Variants in FSHR observed in about 807,000 individuals in gnomAD.
The protein encoded by FSHR is follicle stimulating hormone receptor.
Under a neutral mutation model 52.1 loss-of-function variants are expected in FSHR, and 46 were observed. The ratio of observed to expected loss-of-function variants is 0.88; its 90% confidence interval spans 0.70 to 1.13. The LOEUF is 1.13. FSHR is among the 50% of genes most tolerant of loss of function. The pLI is 0.00. For synonymous variants in FSHR, 399 were observed against 309.6 expected, an observed-to-expected ratio of 1.29 and a Z score of -3.03; for missense variants, 964 against 834.6, an observed-to-expected ratio of 1.16 and a Z score of -1.91.
chr2:49,136,553 C>T (rs1377341360), intron 1 of FSHR, among the ~76,000 whole-genome samples: 1 of 152,024 alleles, frequency 6.6e-6, no homozygotes, highest in Non-Finnish European at 1.5e-5. Flanking sequence ...GACAAAACAT[C>T]ACAAGCAAGT....
intron 2 of FSHR, among the ~76,000 whole-genome samples, chr2:49,057,274 A>G (rs1008657414): frequency 6.6e-6 from 1 of 152,176 alleles, no homozygotes; most frequent in Non-Finnish European, 1.5e-5. Flanking sequence ...CATTAGCTAG[A>G]CTAAGAAAAA....
intron 1 of FSHR, among the ~76,000 whole-genome samples, chr2:49,090,766 G>C (rs1456257050): frequency 2.6e-5 from 4 of 152,156 alleles, no homozygotes; most frequent in Non-Finnish European, 5.9e-5. Flanking sequence ...CTACATCCTT[G>C]TCAGCATGCA....
At chr2:49,082,055 T>C (rs1371371574) in intron 1 of FSHR, among the ~76,000 whole-genome samples, 2 of 152,228 alleles carry the variant, frequency 1.3e-5, no homozygotes, top group Non-Finnish European at 2.9e-5. Flanking sequence ...AGCTCCAGTC[T>C]ACAGCTCCCA....
intron 1 of FSHR, among the ~76,000 whole-genome samples, chr2:49,106,837 T>C (rs1219314302): frequency 6.6e-6 from 1 of 152,154 alleles, no homozygotes; most frequent in African/African-American, 2.4e-5. Context: ...AGGCTACATA[T>C]GTGCAAGATG....
intron 1 of FSHR, among the ~76,000 whole-genome samples, chr2:49,121,356 A>C (rs1231520096): frequency 6.6e-6 from 1 of 152,200 alleles, no homozygotes; most frequent in East Asian, 1.9e-4. Flanking sequence ...TGTGGAACCA[A>C]ATAAGATAAT....
intron 1 of FSHR, among the ~76,000 whole-genome samples, chr2:49,124,447 G>A (rs1437707426): frequency 6.6e-6 from 1 of 152,096 alleles, no homozygotes; most frequent in African/African-American, 2.4e-5. Context: ...ATTTTTAAAA[G>A]TATAAAGAGC....
At chr2:48,969,343 T>C (rs903207932) in intron 8 of FSHR, among the ~76,000 whole-genome samples, 8 of 152,152 alleles carry the variant, frequency 5.3e-5, no homozygotes, top group East Asian at 3.9e-4. Flanking sequence ...GAAGGAAATA[T>C]ACTACAAGAG....
At chr2:49,026,101 AAGATAAGTCTTTGCT>A (rs1180792263) in intron 2 of FSHR, among the ~76,000 whole-genome samples, 5 of 152,312 alleles carry the variant, frequency 3.3e-5, no homozygotes, top group African/African-American at 1.2e-4. Flanking sequence ...TCTCATGGGC[AAGATAAGTCTTTGCT>A]AGAGTCATCC....
At chr2:49,038,345 T>C (rs1668347621) in intron 2 of FSHR, among the ~76,000 whole-genome samples, 1 of 152,076 alleles carries the variant, frequency 6.6e-6, no homozygotes, top group African/African-American at 2.4e-5. Context: ...TTTTTGGCTG[T>C]GCGCAGTGGC....
At chr2:49,015,001 C>G (rs994902265) in intron 4 of FSHR, 13 of 439,534 alleles carry the variant, frequency 3.0e-5, no homozygotes, top group African/African-American at 2.7e-4. Flanking sequence ...AGGAAACTAA[C>G]TGGGTAACAG....
At position 48,963,950 on chromosome 2, in the gene FSHR, T is replaced by G; in HGVS notation, c.871A>C (p.Ile291Leu). 6.2e-7 allele frequency: 1 copy of G among 1,613,394 alleles called. No individual in the cohort carries two copies. The highest frequency in any genetic ancestry group is 8.5e-7 in the Non-Finnish European group (1 of 1,179,960). Residue 291 changes from isoleucine to leucine, a missense_variant, in exon 10 of 10, where the codon ATT (isoleucine) becomes CTT (leucine). Transcript: ENST00000406846. Reference sequence around the variant, plus strand: ...TGCCTTAAAATAGATTTGTTGCAAATTGGATGAAGCTCAGAGCTAGAAAAA... The same window carrying G: ...TGCCTTAAAATAGATTTGTTGCAAAGTGGATGAAGCTCAGAGCTAGAAAAA... The part of the protein sequence containing the change: ...WRRQISELHP[I>L]CNKSILRQEV...
chr2:48,992,756 C>A (rs567147038), intron 4 of FSHR, among the ~76,000 whole-genome samples: 6 of 152,182 alleles, frequency 3.9e-5, no homozygotes, highest in Non-Finnish European at 8.8e-5. Context: ...CTTAGCCTAA[C>A]TCCCTATTTC....
chr2:49,011,943 T>C (rs1667289756), intron 4 of FSHR, among the ~76,000 whole-genome samples: 2 of 151,994 alleles, frequency 1.3e-5, no homozygotes, highest in Non-Finnish European at 1.5e-5. Flanking sequence ...TAGCTGAGGG[T>C]TGGGAAAGAA....
chr2:49,085,785 T>TA, intron 1 of FSHR, among the ~76,000 whole-genome samples: 1 of 152,120 alleles, frequency 6.6e-6, no homozygotes, highest in East Asian at 1.9e-4. Flanking sequence ...TATGCAGCCA[T>TA]AAAAAAGGAT....
rs184566602 is a variant in FSHR at position 49,110,014 on chromosome 2, G to A, written c.153-41724C>T. On this transcript the variant is annotated intron_variant, in intron 1 of 9. Coordinates refer to ENST00000406846, the MANE Select transcript of FSHR (RefSeq NM_000145.4). Reference sequence around the variant, plus strand: ...AGAGGCAGGGTCAGAACAGTTGCATGAGGAGGCCAAGAAGAGTGCATTTGG... The same window carrying A: ...AGAGGCAGGGTCAGAACAGTTGCATAAGGAGGCCAAGAAGAGTGCATTTGG... 1.7e-3 allele frequency among the ~76,000 whole-genome samples: 265 copies of A among 152,244 alleles called. 1 individual carries two copies. The highest frequency in any genetic ancestry group is 3.4e-3 in the Non-Finnish European group (228 of 67,998).
chr2:48,975,863 C>T (rs1674964407), intron 8 of FSHR, among the ~76,000 whole-genome samples: 1 of 152,150 alleles, frequency 6.6e-6, no homozygotes, highest in African/African-American at 2.4e-5. Context: ...GCTGAAGTTG[C>T]TTATCAGCTT....
intron 1 of FSHR, among the ~76,000 whole-genome samples, chr2:49,110,062 T>C (rs1254233689): frequency 2.0e-5 from 3 of 152,110 alleles, no homozygotes; most frequent in Non-Finnish European, 2.9e-5. Context: ...CATGTTGATA[T>C]TTTGTAAACT....
chr2:49,127,280 A>T (rs1200633931), intron 1 of FSHR, among the ~76,000 whole-genome samples: 1 of 151,772 alleles, frequency 6.6e-6, no homozygotes, highest in Middle Eastern at 3.2e-3. Flanking sequence ...GTGAACTGAG[A>T]TTGTACCACT....
intron 1 of FSHR, among the ~76,000 whole-genome samples, chr2:49,088,055 G>A (rs184413182): frequency 2.1e-4 from 32 of 152,234 alleles, no homozygotes; most frequent in Admixed American, 2.0e-3. Flanking sequence ...CCATACTTGT[G>A]TCCACTTATA....
Sources: allele counts gnomAD v4.1 joint callset (sites outside exome capture counted in the v4.1 genomes callset), GRCh38; gene constraint gnomAD v4.1.1; transcripts MANE v1.5; gene names NCBI Gene and HGNC (gene_info 2026-07-23, HGNC 2026-07-21).